KCNQ1: variants seen among roughly 807,000 people sequenced by gnomAD.
KCNQ1 encodes the protein potassium voltage-gated channel subfamily Q member 1.
Under a neutral mutation model 72.4 loss-of-function variants are expected in KCNQ1, and 49 were observed. That is an observed-to-expected ratio of 0.68 (90% CI 0.54 to 0.86). The LOEUF is 0.86. KCNQ1 is among the 40% of genes least tolerant of loss of function. The probability of loss-of-function intolerance (pLI) is 0.00; values close to 1 mark genes in which losing one functional copy is unlikely to be tolerated. For missense variants in KCNQ1, 790 were observed against 945.1 expected (o/e 0.84, Z 2.15); for synonymous variants, 450 against 412.6 (o/e 1.09, Z -1.10).
chr11:2,669,511 G>A lies in KCNQ1; in HGVS notation c.1514+7430G>A, dbSNP rs1407225235. The A allele has an allele frequency of 2.5e-6, 1 of 398,622 alleles. No individual in the cohort carries two copies. The highest frequency in any genetic ancestry group is 4.4e-6 in the Non-Finnish European group (1 of 226,064). 24.7% of individuals were successfully genotyped at this position (398,622 alleles called of 1,614,324 possible). A position where few individuals can be genotyped will look rare whatever the true frequency, so the allele number is the denominator to read the frequency against. On this transcript the variant is annotated intron_variant, in intron 11 of 15. Transcript: ENST00000155840. The surrounding 1 kb of genome is among the most constrained non-coding windows in gnomAD (Gnocchi z 5.6). ...CAGATTCATTCCTTGTCAGCTAATG[G>A]TTTGATGTATGTTCGCTGAATCCAG...
At chr11:2,780,309 C>T (rs773889473) in intron 15 of KCNQ1, among the ~76,000 whole-genome samples, 63 of 152,202 alleles carry the variant, frequency 4.1e-4, no homozygotes, top group Non-Finnish European at 5.7e-4. Flanking sequence ...CAGCCTGGCT[C>T]GAGTTTTCTC....
At chr11:2,835,394 GACTCACACACACACAC>G (rs1438833944) in intron 15 of KCNQ1, among the ~76,000 whole-genome samples, 7 of 124,882 alleles carry the variant, frequency 5.6e-5, no homozygotes, top group African/African-American at 2.1e-4. Context: ...TATAAACCCT[GACTCACACACACACAC>G]ACACACACAC....
At chr11:2,552,876 G>A (rs774973635) in intron 2 of KCNQ1, among the ~76,000 whole-genome samples, 7 of 152,140 alleles carry the variant, frequency 4.6e-5, no homozygotes, top group Non-Finnish European at 5.9e-5. Flanking sequence ...TCTGATCCAC[G>A]AACACGGTCT....
rs1847675943 is a variant in KCNQ1 at position 2,818,861 on chromosome 11, A to G, written c.1795-28906A>G. On this transcript the variant is annotated intron_variant, in intron 15 of 15. Transcript: ENST00000155840. This position sits in a 1 kb window ranked among gnomAD's most constrained non-coding sequence, Gnocchi z 7.2. ...GCTCAGCTTAGCTGCTCTTCCCCCA[A>G]CCCCCAGGCCCAGCAGAATCACATC... Among the ~76,000 whole-genome samples, 1 of 151,306 alleles carries G rather than the reference A, an allele frequency of 6.6e-6. No individual in the cohort carries two copies. Among genetic ancestry groups the G allele is most frequent in the Non-Finnish European group, 1.5e-5 (1 of 67,824 alleles).
At chr11:2,539,105 T>C (rs179441) in intron 2 of KCNQ1, among the ~76,000 whole-genome samples, 131,540 of 152,172 alleles carry the variant, frequency 0.86, 57,030 homozygotes, top group African/African-American at 0.91. Flanking sequence ...CATGAGTGGA[T>C]GATGTCCCGT....
intron 15 of KCNQ1, among the ~76,000 whole-genome samples, chr11:2,793,410 A>AAGCGTGAT (rs1847071723): frequency 9.3e-6 from 1 of 108,008 alleles, no homozygotes; most frequent in Non-Finnish European, 2.4e-5. Context: ...GCTTGAGGCC[A>AAGCGTGAT]GGAGTTCACG....
At chr11:2,700,349 G>A (rs1850783730) in intron 11 of KCNQ1, among the ~76,000 whole-genome samples, 1 of 152,138 alleles carries the variant, frequency 6.6e-6, no homozygotes, top group African/African-American at 2.4e-5. Flanking sequence ...GGAGACACGG[G>A]CCAGTTCTCT....
Position 2,673,234 on chromosome 11 carries a change from C to T in KCNQ1, c.1514+11153C>T. 2.5e-6 allele frequency: 1 copy of T among 398,704 alleles called. No individual in the cohort carries two copies. Among genetic ancestry groups the T allele is most frequent in the East Asian group, 3.6e-5 (1 of 28,078 alleles). The allele number at this position is 398,704 out of a possible 1,614,324, so 24.7% of individuals were successfully genotyped here. A position where few individuals can be genotyped will look rare whatever the true frequency, so the allele number is the denominator to read the frequency against. ...AGGCAAGCTGAGTCCCCTGTAGATT[C>T]TGGGGACTGGGTGATGCAGACTGCA... is the stretch of plus-strand genomic sequence containing the variant. On this transcript the variant is annotated intron_variant, in intron 11 of 15. Transcript: ENST00000155840. The surrounding 1 kb of genome is among the most constrained non-coding windows in gnomAD (Gnocchi z 4.5).
intron 11 of KCNQ1, chr11:2,681,089 G>A (rs1850389251): frequency 2.5e-6 from 1 of 398,596 alleles, no homozygotes; most frequent in Admixed American, 4.4e-5. Flanking sequence ...CACTAATGAT[G>A]TGGTTATTTT....
Position 2,723,128 on chromosome 11 carries a change from G to A in KCNQ1, c.1515-45716G>A, listed in dbSNP as rs1290013035. On this transcript the variant is annotated intron_variant, in intron 11 of 15. Transcript: ENST00000155840. This position sits in a 1 kb window ranked among gnomAD's most constrained non-coding sequence, Gnocchi z 4.2. ...CTGAAAACAGGCTCCGCCTTCCTCT[G>A]TGGCTCTGCCTTCCTCTTGGCTCCG... is the stretch of plus-strand genomic sequence containing the variant. Among the ~76,000 whole-genome samples, 2 of 152,228 alleles carry A rather than the reference G, an allele frequency of 1.3e-5. No homozygotes were observed. The highest frequency in any genetic ancestry group is 6.5e-5 in the Admixed American group (1 of 15,290).
rs760215477 is a variant in KCNQ1 at position 2,492,459 on chromosome 11, G to A, written c.387-35469G>A. Among the ~76,000 whole-genome samples the A allele has an allele frequency of 5.9e-5, 9 of 152,088 alleles. No individual in the cohort carries two copies. Among genetic ancestry groups the A allele is most frequent in the Non-Finnish European group, 1.2e-4 (8 of 68,014 alleles). ...GCTGCACCTATCAACCCATCATCTA[G>A]GTTTTAAGCCCTACATGCATTAGGT... On this transcript the variant is annotated intron_variant, in intron 1 of 15. Transcript: ENST00000155840. The surrounding 1 kb of genome is among the most constrained non-coding windows in gnomAD (Gnocchi z 4.1).
chr11:2,736,309 C>A (rs1056288862), intron 11 of KCNQ1, among the ~76,000 whole-genome samples: 1 of 152,140 alleles, frequency 6.6e-6, no homozygotes, highest in Non-Finnish European at 1.5e-5. Flanking sequence ...GAGCTTGGGC[C>A]GTATCTGGGA....
chr11:2,624,518 T>C lies in KCNQ1; in HGVS notation c.1393+35664T>C. 2.5e-6 allele frequency: 1 copy of C among 398,530 alleles called. No individual in the cohort carries two copies. 24.7% of individuals were successfully genotyped at this position (398,530 alleles called of 1,614,324 possible). ...ACTAAAGATCATCTAGATTTCTTCC[T>C]ATGTTATCTTCTGGGATTTCTATTT... On this transcript the variant is annotated intron_variant, in intron 10 of 15. Coordinates refer to ENST00000155840, the MANE Select transcript of KCNQ1 (RefSeq NM_000218.3). This position sits in a 1 kb window ranked among gnomAD's most constrained non-coding sequence, Gnocchi z 4.9.
intron 11 of KCNQ1, chr11:2,667,074 G>A (rs942197133): frequency 1.3e-5 from 5 of 398,548 alleles, no homozygotes; most frequent in African/African-American, 4.1e-5. Context: ...ATGCACGGGG[G>A]GATTAAATGT....
At chr11:2,709,598 C>G (rs1850972597) in intron 11 of KCNQ1, among the ~76,000 whole-genome samples, 2 of 152,060 alleles carry the variant, frequency 1.3e-5, no homozygotes, top group African/African-American at 4.8e-5. Context: ...TTCAGTGCCC[C>G]TAAAAGCAAC....
intron 11 of KCNQ1, among the ~76,000 whole-genome samples, chr11:2,754,877 C>T (rs1008389813): frequency 7.2e-5 from 11 of 152,256 alleles, no homozygotes; most frequent in Non-Finnish European, 1.0e-4. Flanking sequence ...AAGAATCCCT[C>T]ATCATCCAAA....
intron 15 of KCNQ1, among the ~76,000 whole-genome samples, chr11:2,822,349 T>G (rs1847755067): frequency 6.6e-6 from 1 of 152,122 alleles, no homozygotes; most frequent in Non-Finnish European, 1.5e-5. Flanking sequence ...CGCCAGGCCC[T>G]GGGGTATAGT....
At position 2,848,076 on chromosome 11, in the gene KCNQ1, A is replaced by G; in HGVS notation, c.*73A>G. On this transcript the variant is annotated 3_prime_UTR_variant, in exon 16 of 16. Coordinates refer to ENST00000155840, the MANE Select transcript of KCNQ1 (RefSeq NM_000218.3). ...GAGTGGCCCCACCTGGCCCTCTCTG[A>G]AGGAGGCCACCTCCTAAAAGGCCCA... 2.4e-6 allele frequency: 3 copies of G among 1,272,048 alleles called. No individual in the cohort carries two copies. The highest frequency in any genetic ancestry group is 1.5e-5 in the African/African-American group (1 of 68,036). 78.8% of individuals were successfully genotyped at this position (1,272,048 alleles called of 1,614,324 possible).
At chr11:2,568,994 C>T (rs141762036) in intron 2 of KCNQ1, among the ~76,000 whole-genome samples, 1 of 152,358 alleles carries the variant, frequency 6.6e-6, no homozygotes, top group East Asian at 1.9e-4. Flanking sequence ...AAGCGATTCT[C>T]CTGCCTCAGC....
Sources: gnomAD v4.1 joint callset for allele counts (sites outside exome capture counted in the v4.1 genomes callset) on GRCh38, gnomAD v4.1.1 for gene constraint, Gnocchi (gnomAD v3.1) non-coding constraint, MANE v1.5 for transcripts, NCBI Gene and HGNC (gene_info 2026-07-23, HGNC 2026-07-21) for gene names.